NEK10: variants seen among roughly 807,000 people sequenced by gnomAD.
NEK10 encodes the protein serine/threonine-protein kinase Nek10.
A neutral mutation model predicts 159.8 loss-of-function variants in NEK10; 122 were observed. The observed-to-expected ratio is 0.76, with a 90% CI of 0.66 to 0.89. NEK10 has a LOEUF of 0.89. NEK10 is among the 40% of genes least tolerant of loss of function. The pLI, the probability that NEK10 is intolerant of heterozygous loss-of-function variation, is 0.00. For synonymous variants in NEK10, 466 were observed against 457.1 expected (o/e 1.02, Z -0.25); for missense variants, 1,342 against 1,323.1 (o/e 1.01, Z -0.22).
intron 33 of NEK10, among the ~76,000 whole-genome samples, chr3:27,116,967 C>T (rs1940539624): frequency 6.6e-6 from 1 of 152,116 alleles, no homozygotes; most frequent in Non-Finnish European, 1.5e-5. Flanking sequence ...GATGCTCTCC[C>T]TCCCCTCACC....
At chr3:27,310,296 G>A (rs2044588825) in intron 9 of NEK10, 1 of 152,002 alleles carries the variant, frequency 6.6e-6, no homozygotes, top group Non-Finnish European at 1.5e-5. Context: ...CCAATTGTAA[G>A]CAATAATACC....
Position 27,291,396 on chromosome 3 carries a change from C to A in NEK10, c.1477-6G>T, listed in dbSNP as rs755341486. 6.2e-7 allele frequency: 1 copy of A among 1,610,292 alleles called. No homozygotes were observed. Among genetic ancestry groups the A allele is most frequent in the South Asian group, 1.1e-5 (1 of 90,322 alleles). On this transcript the variant is annotated splice_region_variant and splice_polypyrimidine_tract_variant and intron_variant, in intron 17 of 35. Coordinates refer to ENST00000691995, the MANE Select transcript of NEK10 (RefSeq NM_001394966.1). ...ATTTGCTTCAGTTCATCCTCCTAAT[C>A]AAAATATAAAAAGGAAATGGGTTTC...
intron 30 of NEK10, among the ~76,000 whole-genome samples, chr3:27,147,402 T>G (rs1300194930): frequency 6.6e-6 from 1 of 152,210 alleles, no homozygotes; most frequent in Non-Finnish European, 1.5e-5. Context: ...GGAAGGAGCT[T>G]GGCAGTCTAG....
chr3:27,137,035 T>C (rs546465189), intron 31 of NEK10, among the ~76,000 whole-genome samples: 2 of 152,348 alleles, frequency 1.3e-5, no homozygotes, highest in South Asian at 2.1e-4. Flanking sequence ...CTTTAACCTA[T>C]AGCAAATACA....
chr3:27,262,323 T>C (rs2040487018), intron 22 of NEK10, among the ~76,000 whole-genome samples: 1 of 152,194 alleles, frequency 6.6e-6, no homozygotes, highest in Non-Finnish European at 1.5e-5. Context: ...GAGTTGCTCT[T>C]CTCAAGGAGT....
At chr3:27,210,516 C>T (rs1950912686) in intron 23 of NEK10, among the ~76,000 whole-genome samples, 1 of 152,180 alleles carries the variant, frequency 6.6e-6, no homozygotes, top group African/African-American at 2.4e-5. Context: ...AACCATAGCA[C>T]TCTGTATAAC....
intron 30 of NEK10, among the ~76,000 whole-genome samples, chr3:27,158,321 CATA>C (rs1945699567): frequency 6.6e-6 from 1 of 151,944 alleles, no homozygotes; most frequent in Non-Finnish European, 1.5e-5. Context: ...TGCTATGCAA[CATA>C]ATAAAAGAAG....
chr3:27,204,275 C>CTTTTTTTTTTTTTTT (rs1203026508), intron 23 of NEK10, among the ~76,000 whole-genome samples: 34 of 63,890 alleles, frequency 5.3e-4, no homozygotes, highest in Non-Finnish European at 6.3e-4. Context: ...GATAAATTTT[C>CTTTTTTTTTTTTTTT]TTTTTTTTTT....
intron 32 of NEK10, among the ~76,000 whole-genome samples, chr3:27,131,337 A>G (rs1942599989): frequency 6.6e-6 from 1 of 152,184 alleles, no homozygotes; most frequent in South Asian, 2.1e-4. Context: ...CCAGAGGTAA[A>G]CAATTTTCTT....
chr3:27,121,919 C>G (rs902503460), intron 32 of NEK10, among the ~76,000 whole-genome samples: 1 of 151,910 alleles, frequency 6.6e-6, no homozygotes, highest in Non-Finnish European at 1.5e-5. Context: ...GTATATGTAC[C>G]TCATTGTACT....
chr3:27,302,322 T>C (rs1014269510), intron 12 of NEK10, among the ~76,000 whole-genome samples: 3 of 152,156 alleles, frequency 2.0e-5, no homozygotes, highest in Non-Finnish European at 2.9e-5. Flanking sequence ...TTCTAATTTC[T>C]TTTATTCATT....
chr3:27,120,632 A>G (rs1432966307), intron 32 of NEK10, among the ~76,000 whole-genome samples: 1 of 152,056 alleles, frequency 6.6e-6, no homozygotes, highest in Non-Finnish European at 1.5e-5. Context: ...GCCTGGCCAA[A>G]TAAGTTTCTT....
chr3:27,115,799 T>C (rs914244403), intron 35 of NEK10, 141 bp downstream of exon 35: 4 of 653,678 alleles, frequency 6.1e-6, no homozygotes, highest in African/African-American at 5.5e-5. Context: ...ATGTATCTAG[T>C]CTAAGCCAAG....
chr3:27,171,772 G>C (rs748207349), intron 29 of NEK10, 47 bp downstream of exon 29: 17 of 1,602,344 alleles, frequency 1.1e-5, no homozygotes, highest in Non-Finnish European at 1.4e-5. Context: ...TTATTACTCA[G>C]CTCTGCAAAA....
At chr3:27,234,551 A>G (rs1953690419) in intron 23 of NEK10, among the ~76,000 whole-genome samples, 1 of 152,084 alleles carries the variant, frequency 6.6e-6, no homozygotes, top group Admixed American at 6.6e-5. Flanking sequence ...GAATACAGCT[A>G]ACAAGGGAAG....
intron 29 of NEK10, among the ~76,000 whole-genome samples, chr3:27,164,740 C>G (rs1251207548): frequency 6.6e-6 from 1 of 152,122 alleles, no homozygotes; most frequent in African/African-American, 2.4e-5. Context: ...GCTGCTAAAC[C>G]TGCAATACCT....
chr3:27,202,327 T>G, intron 24 of NEK10, 101 bp downstream of exon 24: 1 of 1,116,880 alleles, frequency 9.0e-7, no homozygotes, highest in East Asian at 2.6e-5. Flanking sequence ...AATTCTTGCT[T>G]TTAATGGGCA....
intron 20 of NEK10, among the ~76,000 whole-genome samples, chr3:27,286,532 C>T (rs1559432274): frequency 1.4e-5 from 2 of 147,816 alleles, no homozygotes; most frequent in Admixed American, 1.4e-4. Context: ...CAGGCGCCTG[C>T]CACCACGCCC....
intron 1 of NEK10, among the ~76,000 whole-genome samples, chr3:27,358,366 T>G (rs1482967456): frequency 6.6e-6 from 1 of 152,204 alleles, no homozygotes. Context: ...ACCTCAGGGT[T>G]TGGTGCGTAC....
Sources: gnomAD v4.1 joint callset for allele counts (sites outside exome capture counted in the v4.1 genomes callset) on GRCh38, gnomAD v4.1.1 for gene constraint, MANE v1.5 for transcripts, NCBI Gene and HGNC (gene_info 2026-07-23, HGNC 2026-07-21) for gene names.